Variants in MFGE8 observed in about 807,000 individuals in gnomAD.
MFGE8 encodes the protein lactadherin.
MFGE8 carries 34 observed loss-of-function variants against 42.6 expected under a neutral mutation model. The ratio of observed to expected loss-of-function variants is 0.80; its 90% CI spans 0.61 to 1.06. MFGE8 has a LOEUF of 1.06. MFGE8 is among the 50% of genes least tolerant of loss of function. The pLI, the probability that MFGE8 is intolerant of heterozygous loss-of-function variation, is 0.00. For synonymous variants in MFGE8, 230 were observed against 214.8 expected (o/e 1.07, Z -0.62); for missense variants, 510 against 516.9 (o/e 0.99, Z 0.13).
intron 1 of MFGE8, chr15:88,912,123 C>CCT (rs1224328491): frequency 7.8e-7 from 1 of 1,289,672 alleles, no homozygotes; most frequent in East Asian, 5.5e-5. Context: ...AGCCACGTTA[C>CCT]CTGTGTGTAA....
At position 88,906,183 on chromosome 15, in the gene MFGE8, G is replaced by A. The variant is rs1030612193; in HGVS notation, c.541-282C>T. ...CCTGTAACCTACAGGGTACCTCTTT[G>A]CAAATTAGGAAAAGGCACTCCTTTC... On this transcript the variant is annotated intron_variant, in intron 4 of 7. Transcript: ENST00000268150. The surrounding 1 kb of genome is among the most constrained non-coding windows in gnomAD (Gnocchi z 4.2). The A allele has an allele frequency of 3.8e-6, 2 of 529,858 alleles. No homozygotes were observed. The highest frequency in any genetic ancestry group is 6.8e-6 in the Non-Finnish European group (2 of 293,352). 32.8% of individuals were successfully genotyped at this position (529,858 alleles called of 1,614,324 possible).
chr15:88,905,774 A>C lies in MFGE8; in HGVS notation c.668T>G (p.Leu223Arg). The change falls in exon 5 of 8, where the codon CTG becomes CGG. Residue 223 changes from leucine to arginine, a missense_variant. Coordinates refer to ENST00000268150, the MANE Select transcript of MFGE8 (RefSeq NM_005928.4). The surrounding 1 kb of genome is among the most constrained non-coding windows in gnomAD (Gnocchi z 6.6). ...GCACTCACCGTTCAGCTCACAGCCC[A>C]GTAGCTCAAAGCGCAGAGTGCAGGC... ...HTACTLRFEL[L>R]GCELNGCANP... 1 of 1,614,190 alleles carries C rather than the reference A, an allele frequency of 6.2e-7. No homozygotes were observed. Among genetic ancestry groups the C allele is most frequent in the Non-Finnish European group, 8.5e-7 (1 of 1,180,038 alleles).
intron 5 of MFGE8, chr15:88,901,946 C>G (rs370290440): frequency 1.7e-6 from 1 of 597,282 alleles, no homozygotes; most frequent in African/African-American, 1.8e-5. Context: ...ACCAGCCGGG[C>G]TCAGCTCCTC....
chr15:88,901,289 A>ACACACATT, intron 6 of MFGE8, among the ~76,000 whole-genome samples: 1 of 150,022 alleles, frequency 6.7e-6, no homozygotes, highest in Admixed American at 6.7e-5. Context: ...ACTCACATTC[A>ACACACATT]CACACATTCA....
At chr15:88,901,450 G>A (rs1256713276) in intron 6 of MFGE8, 101 bp downstream of exon 6, 2 of 1,173,420 alleles carry the variant, frequency 1.7e-6, no homozygotes, top group African/African-American at 3.1e-5. Context: ...AACTCTTTTG[G>A]GGAGCAGAAG....
At chr15:88,912,700 C>T (rs1899023231) in intron 1 of MFGE8, 1 of 985,394 alleles carries the variant, frequency 1.0e-6, no homozygotes. Context: ...CCTCTGGGTC[C>T]CCTCCCGGGC....
chr15:88,906,795 G>C lies in MFGE8; in HGVS notation c.388-17C>G, dbSNP rs760068505. 3 of 1,612,092 alleles carry C rather than the reference G, an allele frequency of 1.9e-6. No individual in the cohort carries two copies. The highest frequency in any genetic ancestry group is 2.2e-5 in the East Asian group (1 of 44,882). On this transcript the variant is annotated splice_polypyrimidine_tract_variant and intron_variant, in intron 3 of 7. Transcript: ENST00000268150. The surrounding 1 kb of genome is among the most constrained non-coding windows in gnomAD (Gnocchi z 4.2). The stretch of plus-strand genomic sequence containing the variant: ...CAGGTTCACCTGGACACAGGGCAGG[G>C]GAGATGGCACCCTTATCTCCTGGGT...
chr15:88,908,099 C>A (rs150572405), intron 2 of MFGE8, among the ~76,000 whole-genome samples: 3 of 152,258 alleles, frequency 2.0e-5, no homozygotes, highest in South Asian at 2.1e-4. Context: ...CAAGGCCCCA[C>A]CCCCCTCACC....
rs1186420914 is a variant in MFGE8 at position 88,913,247 on chromosome 15, C to T, written c.73G>A (p.Asp25Asn). 1 of 1,505,312 alleles carries T rather than the reference C, an allele frequency of 6.6e-7. No homozygotes were observed. The highest frequency in any genetic ancestry group is 8.8e-7 in the Non-Finnish European group (1 of 1,134,906). 93.2% of individuals were successfully genotyped at this position (1,505,312 alleles called of 1,614,324 possible). A position where few individuals can be genotyped will look rare whatever the true frequency, so the allele number is the denominator to read the frequency against. ...LCAPSLLVAL[D>N]ICSKNPCHNG... ...GCAGAGGGCGGCGCGATCCACTCAC[C>T]CAGGGCGACGAGGAGGCTGGGGGCG... Residue 25 changes from aspartate to asparagine, a missense_variant and splice_region_variant, in exon 1 of 8, where the codon GAT becomes AAT. Physicochemically the swap from Asp to Asn is conservative, Grantham distance 23 (BLOSUM62 1). Transcript: ENST00000268150.
At chr15:88,912,887 T>G in intron 1 of MFGE8, 1 of 985,354 alleles carries the variant, frequency 1.0e-6, no homozygotes, top group Non-Finnish European at 1.2e-6. Context: ...TCCTAGAATC[T>G]CCCAGGTGGA....
chr15:88,910,165 G>A (rs1898892794), intron 1 of MFGE8: 1 of 453,662 alleles, frequency 2.2e-6, no homozygotes, highest in East Asian at 4.7e-5. Context: ...GCCTGGGAGT[G>A]TCCAGAAAAG....
rs1254211842 is a variant in MFGE8 at position 88,906,025 on chromosome 15, T to G, written c.541-124A>C. The G allele has an allele frequency of 8.4e-7, 1 of 1,188,606 alleles. No homozygotes were observed. The highest frequency in any genetic ancestry group is 2.4e-5 in the East Asian group (1 of 41,636). The allele number at this position is 1,188,606 out of a possible 1,614,324, so 73.6% of individuals were successfully genotyped here. The stretch of plus-strand genomic sequence containing the variant: ...TGGGGCTGGGAGGGTGAAGAGGACT[T>G]GGAAGAGCCAGCAGAGGCTCACACA... On this transcript the variant is annotated intron_variant, in intron 4 of 7. Transcript: ENST00000268150. This position sits in a 1 kb window ranked among gnomAD's most constrained non-coding sequence, Gnocchi z 4.2.
At position 88,905,515 on chromosome 15, in the gene MFGE8, A is replaced by T. The variant is rs1276470833; in HGVS notation, c.685+242T>A. ...CCAGAAGAAGGGAAAATACTTTGAAAACTGATGTCTTTTTCTCTATCAATC... is the reference window on the plus strand; with the variant it reads ...CCAGAAGAAGGGAAAATACTTTGAATACTGATGTCTTTTTCTCTATCAATC... On this transcript the variant is annotated intron_variant, in intron 5 of 7. Coordinates refer to ENST00000268150, the MANE Select transcript of MFGE8 (RefSeq NM_005928.4). This position sits in a 1 kb window ranked among gnomAD's most constrained non-coding sequence, Gnocchi z 6.6. The T allele has an allele frequency of 8.8e-6, 6 of 681,942 alleles. No individual in the cohort carries two copies. Among genetic ancestry groups the T allele is most frequent in the Non-Finnish European group, 5.4e-6 (2 of 373,480 alleles). The allele number at this position is 681,942 out of a possible 1,614,324, so 42.2% of individuals were successfully genotyped here.
rs79769941 is a variant in MFGE8 at position 88,906,505 on chromosome 15, G to A, written c.540+121C>T. On this transcript the variant is annotated intron_variant, in intron 4 of 7. Transcript: ENST00000268150. This position sits in a 1 kb window ranked among gnomAD's most constrained non-coding sequence, Gnocchi z 4.2. ...AATTTCTAGAAGCCAAGATGCACCC[G>A]AAGACCCACATCATAGCCAATCACC... 5,888 of 1,172,824 alleles carry A rather than the reference G, an allele frequency of 5.0e-3. 26 individuals are homozygous for A. The highest frequency in any genetic ancestry group is 0.02 in the African/African-American group (1,347 of 66,152). 72.7% of individuals were successfully genotyped at this position (1,172,824 alleles called of 1,614,324 possible). A position where few individuals can be genotyped will look rare whatever the true frequency, so the allele number is the denominator to read the frequency against.
Position 88,906,562 on chromosome 15 carries a change from G to A in MFGE8, c.540+64C>T. 6.3e-7 allele frequency: 1 copy of A among 1,597,920 alleles called. No homozygotes were observed. The highest frequency in any genetic ancestry group is 1.1e-5 in the South Asian group (1 of 90,144). On this transcript the variant is annotated intron_variant, in intron 4 of 7. Coordinates refer to ENST00000268150, the MANE Select transcript of MFGE8 (RefSeq NM_005928.4). The surrounding 1 kb of genome is among the most constrained non-coding windows in gnomAD (Gnocchi z 4.2). ...TCTCTGGACTCGCTGGGGGTCCTCA[G>A]TCAATGCTAGAACCTTAGGGGGTAT...
In MFGE8 at chr15:88,905,857, C is replaced by A; in HGVS notation, c.585G>T (p.Leu195=). The A allele has an allele frequency of 6.2e-7, 1 of 1,614,222 alleles. No individual in the cohort carries two copies. The highest frequency in any genetic ancestry group is 8.5e-7 in the Non-Finnish European group (1 of 1,180,042). Residue 195 remains leucine (L), a synonymous_variant, in exon 5 of 8, where the codon CTG becomes CTT. Coordinates refer to ENST00000268150, the MANE Select transcript of MFGE8 (RefSeq NM_005928.4). This position sits in a 1 kb window ranked among gnomAD's most constrained non-coding sequence, Gnocchi z 6.6. ...NWNKNAVHVN[L]FETPVEAQYV... is the part of the protein sequence containing the mutation. The stretch of plus-strand genomic sequence containing the variant: ...ACTGAGCCTCCACAGGGGTCTCAAA[C>A]AGGTTGACATGCACCGCGTTTTTGT...
intron 3 of MFGE8, 118 bp downstream of exon 3, chr15:88,907,077 C>A: frequency 1.5e-6 from 2 of 1,301,826 alleles, no homozygotes; most frequent in South Asian, 1.3e-5. Flanking sequence ...TCCATGGGAA[C>A]CTGTTACCTT....
In MFGE8 at chr15:88,899,834, T is replaced by C; in HGVS notation, c.871-23A>G. The C allele has an allele frequency of 6.2e-7, 1 of 1,613,702 alleles. No individual in the cohort carries two copies. The highest frequency in any genetic ancestry group is 8.5e-7 in the Non-Finnish European group (1 of 1,179,766). On this transcript the variant is annotated intron_variant, in intron 6 of 7. Coordinates refer to ENST00000268150, the MANE Select transcript of MFGE8 (RefSeq NM_005928.4). This position sits in a 1 kb window ranked among gnomAD's most constrained non-coding sequence, Gnocchi z 6.8. The stretch of plus-strand genomic sequence containing the variant: ...CACCTACAGAAGAAACCAACCACAT[T>C]TTCTCTGCTTGGACCATCTCCAGTA...
At chr15:88,900,805 C>T in intron 6 of MFGE8, 2 of 946,414 alleles carry the variant, frequency 2.1e-6, no homozygotes, top group South Asian at 4.9e-5. Flanking sequence ...GCTTCTTAGA[C>T]ACTGAGTCAG....
Sources: gnomAD v4.1 joint callset for allele counts (sites outside exome capture counted in the v4.1 genomes callset) on GRCh38, gnomAD v4.1.1 for gene constraint, Gnocchi (gnomAD v3.1) non-coding constraint, MANE v1.5 for transcripts, NCBI Gene and HGNC (gene_info 2026-07-23, HGNC 2026-07-21) for gene names.